The following ERLEC1 variants were observed in gnomAD, a reference collection of about 807,000 sequenced individuals.
The protein encoded by ERLEC1 is ER lectin.
Under a neutral mutation model 68.0 loss-of-function variants are expected in ERLEC1, and 47 were observed. That is an observed-to-expected ratio of 0.69 (90% CI 0.55 to 0.88). ERLEC1 has a LOEUF of 0.88. ERLEC1 is among the 40% of genes least tolerant of loss of function. The probability of loss-of-function intolerance (pLI) is 0.00; values close to 1 mark genes in which losing one functional copy is unlikely to be tolerated. For missense variants in ERLEC1, 567 were observed against 583.8 expected, an observed-to-expected ratio of 0.97 and a Z score of 0.30; for synonymous variants, 225 against 203.2, an observed-to-expected ratio of 1.11 and a Z score of -0.91.
intron 2 of ERLEC1, among the ~76,000 whole-genome samples, chr2:53,795,543 T>C (rs933955539): frequency 1.3e-5 from 2 of 152,232 alleles, no homozygotes; most frequent in Admixed American, 6.5e-5. Flanking sequence ...CCTATAAGAT[T>C]CAACTATTCT....
intron 8 of ERLEC1, among the ~76,000 whole-genome samples, chr2:53,804,183 T>G (rs1432794309): frequency 6.6e-6 from 1 of 152,172 alleles, no homozygotes; most frequent in Non-Finnish European, 1.5e-5. Context: ...TTTTAATTTC[T>G]AATTTTTGTG....
intron 11 of ERLEC1, among the ~76,000 whole-genome samples, chr2:53,813,332 A>T (rs1405795394): frequency 2.0e-5 from 3 of 152,074 alleles, no homozygotes; most frequent in African/African-American, 7.2e-5. Flanking sequence ...CATCTTTTTT[A>T]TCTCTCACTT....
chr2:53,814,539 T>G lies in ERLEC1; in HGVS notation c.1227-4T>G. ...AATAAAACTTGTGTGTTTCTCTGAT[T>G]CAGGATGGTGTCACATTTTTATGGA... On this transcript the variant is annotated splice_polypyrimidine_tract_variant and splice_region_variant and intron_variant, in intron 11 of 13. Coordinates refer to ENST00000185150, the MANE Select transcript of ERLEC1 (RefSeq NM_015701.5). 6.2e-7 allele frequency: 1 copy of G among 1,606,798 alleles called. No individual in the cohort carries two copies.
Position 53,814,580 on chromosome 2 carries a change from GA to G in ERLEC1, c.1265del (p.Asp422ValfsTer2). On this transcript the variant is annotated frameshift_variant, in exon 12 of 14. Transcript: ENST00000185150. LOFTEE classifies it high-confidence loss of function. Reference sequence around the variant, plus strand: ...TTTTTATGGAAATGGAGATATTTGTGATATAACTGACAAACCAAGACAGGTG... The same window carrying G: ...TTTTTATGGAAATGGAGATATTTGTGTATAACTGACAAACCAAGACAGGTG... Reference protein sequence around the residue: ...SHFYGNGDICDITDKPRQVTV... With the variant: ...SHFYGNGDICXITDKPRQVTV... The G allele has an allele frequency of 6.2e-7, 1 of 1,611,954 alleles. No homozygotes were observed. The highest frequency in any genetic ancestry group is 8.5e-7 in the Non-Finnish European group (1 of 1,178,700).
Position 53,796,021 on chromosome 2 carries a change from TTTTATG to T in ERLEC1, c.348+13_348+18del. On this transcript the variant is annotated intron_variant, in intron 3 of 13. Transcript: ENST00000185150. Reference sequence around the variant, plus strand: ...AGCAGTTGTTCCTACAGAGTATGTATTTTATGTTTACTTGATGACTAGAAAATAGAT... The same window carrying T: ...AGCAGTTGTTCCTACAGAGTATGTATTTTACTTGATGACTAGAAAATAGAT... The T allele has an allele frequency of 6.4e-7, 1 of 1,566,030 alleles. No homozygotes were observed. Among genetic ancestry groups the T allele is most frequent in the Non-Finnish European group, 8.7e-7 (1 of 1,154,830 alleles).
intron 13 of ERLEC1, among the ~76,000 whole-genome samples, chr2:53,817,510 T>G (rs1433119176): frequency 6.6e-6 from 1 of 152,226 alleles, no homozygotes; most frequent in African/African-American, 2.4e-5. Context: ...TTAGTATAAT[T>G]ATTATAACAT....
chr2:53,795,190 C>T (rs1293748572), intron 2 of ERLEC1, among the ~76,000 whole-genome samples: 2 of 152,172 alleles, frequency 1.3e-5, no homozygotes, highest in African/African-American at 4.8e-5. Flanking sequence ...GCAATGACTT[C>T]TTTCAAGATG....
At chr2:53,801,893 C>G (rs1173007652) in intron 8 of ERLEC1, 51 bp downstream of exon 8, 10 of 1,457,814 alleles carry the variant, frequency 6.9e-6, no homozygotes, top group Non-Finnish European at 9.5e-6. Context: ...TTTAAAATTT[C>G]AGAGCATATG....
intron 5 of ERLEC1, among the ~76,000 whole-genome samples, chr2:53,798,089 G>A (rs1675814085): frequency 1.3e-5 from 2 of 152,178 alleles, no homozygotes; most frequent in South Asian, 2.1e-4. Context: ...CAGCTACTTG[G>A]GAGGCTGAGG....
At chr2:53,814,995 C>CTTTTTTTTTATTTTTTTTTTT (rs1676792284) in intron 13 of ERLEC1, 60 bp downstream of exon 13, 3 of 470,066 alleles carry the variant, frequency 6.4e-6, no homozygotes, top group African/African-American at 2.9e-5. Context: ...ATTTTTTTTT[C>CTTTTTTTTTATTTTTTTTTTT]TTTTTTTTTT....
chr2:53,790,922 A>G (rs1235776952), intron 1 of ERLEC1, among the ~76,000 whole-genome samples: 1 of 152,204 alleles, frequency 6.6e-6, no homozygotes, highest in Non-Finnish European at 1.5e-5. Flanking sequence ...ATTATTCATT[A>G]CTTTATAGAG....
chr2:53,790,473 G>A (rs1388114092), intron 1 of ERLEC1, among the ~76,000 whole-genome samples: 1 of 152,170 alleles, frequency 6.6e-6, no homozygotes, highest in Non-Finnish European at 1.5e-5. Flanking sequence ...TTTACTAACT[G>A]AAATTGGAAG....
At chr2:53,810,732 C>G (rs1459429333) in intron 10 of ERLEC1, among the ~76,000 whole-genome samples, 1 of 152,188 alleles carries the variant, frequency 6.6e-6, no homozygotes, top group Non-Finnish European at 1.5e-5. Context: ...AATGAGGCAT[C>G]CATAGACTAG....
chr2:53,807,486 A>G (rs980168099), intron 8 of ERLEC1, among the ~76,000 whole-genome samples: 39 of 151,650 alleles, frequency 2.6e-4, no homozygotes, highest in African/African-American at 9.2e-4. Flanking sequence ...GCTCACTGCA[A>G]CCTCCACCTC....
At chr2:53,816,460 T>C (rs146587193) in intron 13 of ERLEC1, among the ~76,000 whole-genome samples, 3 of 151,876 alleles carry the variant, frequency 2.0e-5, no homozygotes, top group African/African-American at 7.2e-5. Flanking sequence ...GTAGAGACAG[T>C]GTTTCACCTT....
intron 8 of ERLEC1, 88 bp downstream of exon 8, chr2:53,801,930 T>A: frequency 9.3e-7 from 1 of 1,079,682 alleles, no homozygotes; most frequent in Non-Finnish European, 1.4e-6. Flanking sequence ...TTCTGTAGTA[T>A]AATGGTAGTA....
In ERLEC1 at chr2:53,814,628, A is replaced by T. The variant is rs1443944136; in HGVS notation, c.1304+8A>T. 3.1e-6 allele frequency: 5 copies of T among 1,599,678 alleles called. No individual in the cohort carries two copies. Among genetic ancestry groups the T allele is most frequent in the Non-Finnish European group, 4.3e-6 (5 of 1,168,592 alleles). ...GGTGACTGTAAAACTAAAGTAAGTT[A>T]GACCATCAAATCATGCTGTATGCCT... is the stretch of plus-strand genomic sequence containing the variant. On this transcript the variant is annotated splice_region_variant and intron_variant, in intron 12 of 13. Transcript: ENST00000185150.
chr2:53,799,217 A>G, intron 6 of ERLEC1, 136 bp downstream of exon 6: 1 of 711,946 alleles, frequency 1.4e-6, no homozygotes, highest in South Asian at 2.3e-5. Context: ...ACTGGGTCAA[A>G]GAATCTTTGC....
chr2:53,808,490 T>G (rs763622182), intron 9 of ERLEC1, 30 bp downstream of exon 9: 9 of 1,607,606 alleles, frequency 5.6e-6, no homozygotes, highest in Non-Finnish European at 7.6e-6. Flanking sequence ...TTTAAATATT[T>G]ATTTTACAAC....
Sources: gnomAD v4.1 joint callset for allele counts (sites outside exome capture counted in the v4.1 genomes callset) on GRCh38, gnomAD v4.1.1 for gene constraint, MANE v1.5 for transcripts, NCBI Gene and HGNC (gene_info 2026-07-23, HGNC 2026-07-21) for gene names.